EFHC2: variants seen among roughly 807,000 people sequenced by gnomAD.
EFHC2 encodes EF-hand domain-containing family member C2.
In EFHC2, 18 loss-of-function variants were observed where a neutral mutation model predicts 52.7. The ratio of observed to expected loss-of-function variants is 0.34; its 90% CI spans 0.24 to 0.51. The LOEUF (loss-of-function observed/expected upper bound fraction) is 0.51, where lower values mean the gene tolerates loss of function less well. Ranked by LOEUF, EFHC2 falls within the 20% of genes least tolerant of loss-of-function variation. EFHC2 has a pLI of 0.97. For missense variants in EFHC2, 513 were observed against 562.5 expected (o/e 0.91, Z 0.89); for synonymous variants, 203 against 204.1 (o/e 0.99, Z 0.04).
intron 1 of EFHC2, among the ~76,000 whole-genome samples, chrX:44,317,987 T>C (rs1456602155): frequency 2.7e-5 from 3 of 112,465 alleles, no homozygotes; most frequent in Non-Finnish European, 3.8e-5. Flanking sequence ...AAGTTAAACA[T>C]AGAATCATCA....
chrX:44,287,356 C>G (rs1221726183), intron 2 of EFHC2, among the ~76,000 whole-genome samples: 1 of 111,795 alleles, frequency 8.9e-6, no homozygotes, highest in Non-Finnish European at 1.9e-5. Flanking sequence ...CCCTGCATTT[C>G]TGTGTGGCAA....
chrX:44,283,068 G>T (rs1191088022), intron 2 of EFHC2, among the ~76,000 whole-genome samples: 2 of 111,950 alleles, frequency 1.8e-5, no homozygotes, highest in Non-Finnish European at 3.8e-5. Flanking sequence ...TAGGCCAGAA[G>T]CCCACCCAGG....
intron 2 of EFHC2, among the ~76,000 whole-genome samples, chrX:44,304,344 G>A (rs985057626): frequency 7.1e-5 from 8 of 111,946 alleles, no homozygotes; most frequent in African/African-American, 2.3e-4. Context: ...TATAGTTAAG[G>A]AAACTGAGGC....
At chrX:44,182,264 G>A (rs1163365367) in intron 11 of EFHC2, among the ~76,000 whole-genome samples, 4 of 112,135 alleles carry the variant, frequency 3.6e-5, no homozygotes, top group Non-Finnish European at 7.5e-5. Flanking sequence ...CGTTTTTCAC[G>A]GCTGAATTCT....
intron 11 of EFHC2, among the ~76,000 whole-genome samples, chrX:44,181,854 T>C (rs1357304701): frequency 8.9e-6 from 1 of 112,803 alleles, no homozygotes; most frequent in Non-Finnish European, 1.9e-5. Context: ...AGTGTGTTTT[T>C]CAGGACTCAC....
intron 13 of EFHC2, among the ~76,000 whole-genome samples, chrX:44,173,521 C>T (rs903507925): frequency 8.9e-6 from 1 of 111,941 alleles, no homozygotes; most frequent in African/African-American, 3.2e-5. Flanking sequence ...AAACACTAAG[C>T]ATGTGACCCA....
chrX:44,187,374 C>G (rs996080749), intron 11 of EFHC2, among the ~76,000 whole-genome samples: 2 of 109,558 alleles, frequency 1.8e-5, no homozygotes, highest in Non-Finnish European at 3.8e-5. Context: ...TTTCACTTAA[C>G]TAATACATTT....
At position 44,288,687 on chromosome X, in the gene EFHC2, TACTCA is replaced by T. The variant is rs553778275; in HGVS notation, c.232-15856_232-15852del. Among the ~76,000 whole-genome samples the T allele has an allele frequency of 3.4e-3, 381 of 112,514 alleles. 1 individual carries two copies. Among genetic ancestry groups the T allele is most frequent in the East Asian group, 0.01 (37 of 3,608 alleles). ...TAGGTTTAATTCTGTTTGTTTTAAATACTCAACTCAGACGGCATGTGCTTTTTCAA... is the reference window on the plus strand; with the variant it reads ...TAGGTTTAATTCTGTTTGTTTTAAATACTCAGACGGCATGTGCTTTTTCAA... On this transcript the variant is annotated intron_variant, in intron 2 of 14. Transcript: ENST00000420999.
At chrX:44,278,926 T>C (rs1433564433) in intron 2 of EFHC2, among the ~76,000 whole-genome samples, 1 of 112,245 alleles carries the variant, frequency 8.9e-6, no homozygotes, top group Non-Finnish European at 1.9e-5. Context: ...TCTTTTGTTA[T>C]AGAGGTCTCA....
chrX:44,249,905 T>C (rs2147335776), intron 5 of EFHC2, among the ~76,000 whole-genome samples: 1 of 112,703 alleles, frequency 8.9e-6, no homozygotes, highest in African/African-American at 3.2e-5. Flanking sequence ...TAAGGAGTCA[T>C]TTAGTTTCAT....
chrX:44,288,580 T>G (rs1163731293), intron 2 of EFHC2, among the ~76,000 whole-genome samples: 1 of 111,569 alleles, frequency 9.0e-6, no homozygotes. Flanking sequence ...ATTAATACTA[T>G]TCACTTCATA....
At chrX:44,322,446 G>C (rs1424017153) in intron 1 of EFHC2, among the ~76,000 whole-genome samples, 2 of 111,750 alleles carry the variant, frequency 1.8e-5, no homozygotes, top group Non-Finnish European at 3.8e-5. Context: ...ACCTGGCTTA[G>C]ACCCCCTTAA....
At chrX:44,196,390 T>A (rs1399571754) in intron 11 of EFHC2, among the ~76,000 whole-genome samples, 2 of 112,332 alleles carry the variant, frequency 1.8e-5, no homozygotes, top group African/African-American at 6.5e-5. Flanking sequence ...CTTTCTTACT[T>A]ATATTTTTTC....
intron 1 of EFHC2, 133 bp downstream of exon 1, chrX:44,343,414 G>T: frequency 1.3e-6 from 1 of 771,558 alleles, no homozygotes. Flanking sequence ...ATAAAGTTTG[G>T]TCCAAGTTGC....
intron 11 of EFHC2, among the ~76,000 whole-genome samples, chrX:44,201,209 T>C (rs2037004119): frequency 9.0e-6 from 1 of 111,683 alleles, no homozygotes; most frequent in Non-Finnish European, 1.9e-5. Flanking sequence ...AAAATATTTA[T>C]ATATGGAGGA....
At chrX:44,152,515 G>A (rs1054170402) in intron 14 of EFHC2, among the ~76,000 whole-genome samples, 18 of 111,371 alleles carry the variant, frequency 1.6e-4, no homozygotes, top group South Asian at 3.8e-4. Context: ...TTCTTGAAGC[G>A]ACACTACTCT....
chrX:44,266,364 T>TA (rs1349590204), intron 3 of EFHC2, among the ~76,000 whole-genome samples: 2 of 110,920 alleles, frequency 1.8e-5, no homozygotes, highest in Non-Finnish European at 3.8e-5. Flanking sequence ...TAAATTTTTT[T>TA]AATTTTTTTT....
chrX:44,250,076 A>T, intron 5 of EFHC2, 118 bp downstream of exon 5: 1 of 877,377 alleles, frequency 1.1e-6, no homozygotes, highest in Non-Finnish European at 1.5e-6. Flanking sequence ...AAAGGTTTCT[A>T]AATACCTGCA....
At chrX:44,162,848 C>T (rs763833291) in intron 14 of EFHC2, among the ~76,000 whole-genome samples, 2 of 111,279 alleles carry the variant, frequency 1.8e-5, no homozygotes, top group African/African-American at 3.3e-5. Flanking sequence ...CTCCAAATCA[C>T]GAACGTACCA....
Sources: allele counts gnomAD v4.1 joint callset (sites outside exome capture counted in the v4.1 genomes callset), GRCh38; gene constraint gnomAD v4.1.1; transcripts MANE v1.5; gene names NCBI Gene and HGNC (gene_info 2026-07-23, HGNC 2026-07-21).